Variants in SLC37A2 observed in about 807,000 individuals in gnomAD.
The protein encoded by SLC37A2 is glucose-6-phosphate exchanger SLC37A2.
In SLC37A2, 59 loss-of-function variants were observed where a neutral mutation model predicts 70.7. That is an observed-to-expected ratio of 0.83 (90% CI 0.68 to 1.04). The LOEUF is 1.04. SLC37A2 is among the 50% of genes least tolerant of loss of function. SLC37A2 has a pLI of 0.00. For synonymous variants in SLC37A2, 257 were observed against 262.1 expected (o/e 0.98, Z 0.19); for missense variants, 580 against 658.1 (o/e 0.88, Z 1.30).
chr11:125,080,308 T>G lies in SLC37A2; in HGVS notation c.528-306T>G, dbSNP rs926699401. 6.6e-6 allele frequency among the ~76,000 whole-genome samples: 1 copy of G among 151,944 alleles called. No homozygotes were observed. The highest frequency in any genetic ancestry group is 6.5e-5 in the Admixed American group (1 of 15,272). On this transcript the variant is annotated intron_variant, in intron 6 of 17. Coordinates refer to ENST00000403796, the MANE Select transcript of SLC37A2 (RefSeq NM_001145290.2). The surrounding 1 kb of genome is among the most constrained non-coding windows in gnomAD (Gnocchi z 4.3). ...CCTGGTTGAGGACAGTGCTTTAGAG[T>G]GAGATCGTGGGACAGAAGAGAAGAA...
chr11:125,087,885 G>A lies in SLC37A2; in HGVS notation c.1491-234G>A, dbSNP rs1045437088. 4.0e-5 allele frequency: 17 copies of A among 421,428 alleles called. No homozygotes were observed. In the Middle Eastern group the frequency reaches 1.8e-3, roughly 45 times the overall value. The allele number at this position is 421,428 out of a possible 1,614,324, so 26.1% of individuals were successfully genotyped here. A position where few individuals can be genotyped will look rare whatever the true frequency, so the allele number is the denominator to read the frequency against. On this transcript the variant is annotated intron_variant, in intron 17 of 17. Coordinates refer to ENST00000403796, the MANE Select transcript of SLC37A2 (RefSeq NM_001145290.2). The stretch of plus-strand genomic sequence containing the variant: ...AACCTCAGGTGACTCACCCGCCTCG[G>A]CCTCCCAAAGTGCTGGGATTACAGG...
chr11:125,087,957 C>A, intron 17 of SLC37A2, 162 bp from the exon 18 acceptor site: 1 of 737,062 alleles, frequency 1.4e-6, no homozygotes, highest in South Asian at 1.8e-5. Context: ...ATCTAGCTTG[C>A]TATTTCCTGC....
At chr11:125,078,883 C>T (rs553357742) in intron 4 of SLC37A2, among the ~76,000 whole-genome samples, 26 of 151,924 alleles carry the variant, frequency 1.7e-4, no homozygotes, top group East Asian at 1.6e-3. Flanking sequence ...ACGCACGACA[C>T]GAGGGGCCGG....
chr11:125,070,669 G>C (rs1949021479), intron 1 of SLC37A2, among the ~76,000 whole-genome samples: 1 of 152,214 alleles, frequency 6.6e-6, no homozygotes, highest in Non-Finnish European at 1.5e-5. Context: ...ATGGGAAGAG[G>C]CTGCTTGGAA....
rs769225412 is a variant in SLC37A2, at chr11:125,085,484, C to G, written c.1327+11C>G. On this transcript the variant is annotated intron_variant, in intron 15 of 17. Transcript: ENST00000403796. ...GCACCGGCTCCATAGGTCTGTGACTCTAGCTCTGTTGTGGGCCGGCCCCTA... is the reference window on the plus strand; with the variant it reads ...GCACCGGCTCCATAGGTCTGTGACTGTAGCTCTGTTGTGGGCCGGCCCCTA... 1.2e-6 allele frequency: 2 copies of G among 1,613,796 alleles called. No homozygotes were observed. Among genetic ancestry groups the G allele is most frequent in the African/African-American group, 1.3e-5 (1 of 74,930 alleles).
intron 1 of SLC37A2, among the ~76,000 whole-genome samples, chr11:125,075,656 C>T (rs1196441201): frequency 1.3e-5 from 2 of 152,208 alleles, no homozygotes; most frequent in Non-Finnish European, 2.9e-5. Flanking sequence ...GCCTCGTAGC[C>T]CAAGCCCAAT....
chr11:125,071,245 G>A (rs1438731925), intron 1 of SLC37A2, among the ~76,000 whole-genome samples: 1 of 152,152 alleles, frequency 6.6e-6, no homozygotes, highest in Non-Finnish European at 1.5e-5. Flanking sequence ...CCCCCTCTAA[G>A]CAGGACTGCA....
At chr11:125,076,946 C>A in intron 2 of SLC37A2, 108 bp downstream of exon 2, 1 of 1,049,166 alleles carries the variant, frequency 9.5e-7, no homozygotes. Flanking sequence ...GGCTCCCACT[C>A]TCAGTGGCTG....
At chr11:125,072,061 G>A (rs533603096) in intron 1 of SLC37A2, among the ~76,000 whole-genome samples, 6 of 152,182 alleles carry the variant, frequency 3.9e-5, no homozygotes, top group South Asian at 2.1e-4. Flanking sequence ...CTGGGGAACC[G>A]GGGCTGTTTC....
chr11:125,069,631 G>C (rs1346724008), intron 1 of SLC37A2, among the ~76,000 whole-genome samples: 2 of 152,360 alleles, frequency 1.3e-5, no homozygotes, highest in African/African-American at 4.8e-5. Context: ...AGAGGTCACA[G>C]AGCCAGCAAA....
Position 125,063,768 on chromosome 11 carries a change from AGCTGGGGAACCTGGGCTCGAAG to A in SLC37A2, c.59+354_59+375del, listed in dbSNP as rs1948954600. 1.3e-5 allele frequency among the ~76,000 whole-genome samples: 2 copies of A among 152,252 alleles called. No individual in the cohort carries two copies. The highest frequency in any genetic ancestry group is 3.9e-4 in the East Asian group (2 of 5,164). On this transcript the variant is annotated intron_variant, in intron 1 of 17. Coordinates refer to ENST00000403796, the MANE Select transcript of SLC37A2 (RefSeq NM_001145290.2). The surrounding 1 kb of genome is among the most constrained non-coding windows in gnomAD (Gnocchi z 5.4). ...TCAGAGCGCCTTTCTGTCGTTGGGCAGCTGGGGAACCTGGGCTCGAAGGCTGGGGAACCGAGGCCAGGGGATG... is the reference window on the plus strand; with the variant it reads ...TCAGAGCGCCTTTCTGTCGTTGGGCAGCTGGGGAACCGAGGCCAGGGGATG...
chr11:125,067,640 T>C (rs905744306), intron 1 of SLC37A2, among the ~76,000 whole-genome samples: 1 of 152,210 alleles, frequency 6.6e-6, no homozygotes, highest in Non-Finnish European at 1.5e-5. Context: ...CCAGGAGCCC[T>C]TCCTCTTTTT....
chr11:125,085,170 A>G (rs760156559), intron 14 of SLC37A2, 31 bp downstream of exon 14: 2 of 1,604,706 alleles, frequency 1.2e-6, no homozygotes, highest in Non-Finnish European at 8.5e-7. Flanking sequence ...AGGGCCAGGG[A>G]CCGTTCTGGG....
At chr11:125,069,970 G>A (rs955692573) in intron 1 of SLC37A2, among the ~76,000 whole-genome samples, 1 of 152,262 alleles carries the variant, frequency 6.6e-6, no homozygotes, top group Non-Finnish European at 1.5e-5. Flanking sequence ...CTGTGTGGGT[G>A]CGTCTGGGGG....
chr11:125,084,932 C>A, intron 13 of SLC37A2, 59 bp downstream of exon 13: 1 of 1,608,102 alleles, frequency 6.2e-7, no homozygotes. Context: ...TTGGGGGCCC[C>A]ATGAGGCTGG....
chr11:125,086,869 G>A (rs538071916), intron 17 of SLC37A2: 37 of 160,574 alleles, frequency 2.3e-4, no homozygotes, highest in Non-Finnish European at 4.1e-4. Flanking sequence ...GACCTGGGCT[G>A]GATGGCAAAT....
intron 5 of SLC37A2, 73 bp downstream of exon 5, chr11:125,079,320 C>T (rs1196923467): frequency 1.4e-5 from 22 of 1,588,226 alleles, no homozygotes; most frequent in Admixed American, 5.0e-5. Flanking sequence ...CAGCTCACAG[C>T]GGGTGGGAGC....
intron 11 of SLC37A2, 45 bp from the exon 12 acceptor site, chr11:125,084,189 A>C (rs764386708): frequency 1.2e-6 from 2 of 1,606,240 alleles, no homozygotes; most frequent in South Asian, 2.2e-5. Flanking sequence ...AGGGGATGGC[A>C]GGGTCCTGTC....
intron 17 of SLC37A2, chr11:125,086,444 C>T: frequency 1.6e-6 from 1 of 617,138 alleles, no homozygotes; most frequent in Non-Finnish European, 2.9e-6. Flanking sequence ...TGAGATGCCA[C>T]AGAGGTTGGT....
Sources: gnomAD v4.1 joint callset for allele counts (sites outside exome capture counted in the v4.1 genomes callset) on GRCh38, gnomAD v4.1.1 for gene constraint, Gnocchi (gnomAD v3.1) non-coding constraint, MANE v1.5 for transcripts, NCBI Gene and HGNC (gene_info 2026-07-23, HGNC 2026-07-21) for gene names.